Variants in FHAD1 observed in about 807,000 individuals in gnomAD.
The protein encoded by FHAD1 is forkhead-associated domain-containing protein 1.
Under a neutral mutation model 191.3 loss-of-function variants are expected in FHAD1, and 146 were observed. That is an observed-to-expected ratio of 0.76 (90% confidence interval 0.67 to 0.88). The LOEUF (loss-of-function observed/expected upper bound fraction) is 0.88. Ranked by LOEUF, FHAD1 falls within the 40% of genes least tolerant of loss-of-function variation. The pLI, the probability that FHAD1 is intolerant of heterozygous loss-of-function variation, is 0.00. For synonymous variants in FHAD1, 616 were observed against 672.3 expected (o/e 0.92, Z 1.29); for missense variants, 1,635 against 1,785.8 (o/e 0.92, Z 1.52).
At chr1:15,239,824 A>G (rs191546383) in intron 1 of FHAD1, among the ~76,000 whole-genome samples, 1 of 152,332 alleles carries the variant, frequency 6.6e-6, no homozygotes, top group East Asian at 1.9e-4. Flanking sequence ...GTATTCATGC[A>G]CTGCTGGGGG....
chr1:15,348,914 G>A (rs1229350327), intron 18 of FHAD1, 128 bp from the exon 19 acceptor site: 27 of 653,982 alleles, frequency 4.1e-5, no homozygotes, highest in Non-Finnish European at 7.1e-5. Context: ...GGGCCCAGGT[G>A]TATTTAATAG....
chr1:15,342,816 C>T (rs1558168043), intron 16 of FHAD1, among the ~76,000 whole-genome samples: 1 of 151,668 alleles, frequency 6.6e-6, no homozygotes, highest in Non-Finnish European at 1.5e-5. Context: ...TATGGCACTA[C>T]ACCCAGCTAA....
At chr1:15,363,210 G>A (rs1455168306) in intron 23 of FHAD1, among the ~76,000 whole-genome samples, 1 of 152,192 alleles carries the variant, frequency 6.6e-6, no homozygotes, top group African/African-American at 2.4e-5. Context: ...TCCAGGGGCT[G>A]AGCGTGCTAA....
upstream of FHAD1, among the ~76,000 whole-genome samples, chr1:15,242,391 TAAG>T (rs2100570894): frequency 6.6e-6 from 1 of 152,334 alleles, no homozygotes; most frequent in South Asian, 2.1e-4. Flanking sequence ...TGAGTTGGGC[TAAG>T]AACTAAATAA....
At chr1:15,274,493 T>C (rs1345188308) in intron 3 of FHAD1, among the ~76,000 whole-genome samples, 1 of 151,828 alleles carries the variant, frequency 6.6e-6, no homozygotes, top group Non-Finnish European at 1.5e-5. Context: ...GCGCCTGTAG[T>C]CCCAGCTACT....
intron 33 of FHAD1, among the ~76,000 whole-genome samples, chr1:15,396,270 G>A (rs916274396): frequency 2.6e-5 from 4 of 151,818 alleles, no homozygotes; most frequent in Non-Finnish European, 5.9e-5. Context: ...TGCAGTGAGC[G>A]GGGATTGCTC....
downstream of FHAD1, among the ~76,000 whole-genome samples, chr1:15,398,982 G>A (rs1021378321): frequency 2.0e-5 from 3 of 151,890 alleles, no homozygotes; most frequent in Admixed American, 2.0e-4. Flanking sequence ...CACCATACCC[G>A]GCTAATTTTT....
intron 2 of FHAD1, 73 bp downstream of exon 2, chr1:15,251,950 T>A (rs1646828032): frequency 2.4e-6 from 3 of 1,232,686 alleles, no homozygotes; most frequent in South Asian, 2.9e-5. Context: ...GTCCTTAGCG[T>A]TATGTGGACT....
chr1:15,288,027 C>T lies in FHAD1; in HGVS notation c.301-1372C>T, dbSNP rs1460475050. Among the ~76,000 whole-genome samples, 3 of 152,192 alleles carry T rather than the reference C, an allele frequency of 2.0e-5. No homozygotes were observed. The East Asian group carries it at 5.8e-4, about 29-fold the overall frequency. On this transcript the variant is annotated intron_variant, in intron 3 of 33. Coordinates refer to ENST00000688493, the MANE Select transcript of FHAD1 (RefSeq NM_001391957.1). Reference sequence around the variant, plus strand: ...AGCAAACCTTTGAATTTAGCTCTTACCTGGAAAGCATTATTTCTGCCAAGA... The same window carrying T: ...AGCAAACCTTTGAATTTAGCTCTTATCTGGAAAGCATTATTTCTGCCAAGA...
chr1:15,382,609 T>C (rs1265716191), intron 31 of FHAD1, among the ~76,000 whole-genome samples: 1 of 152,046 alleles, frequency 6.6e-6, no homozygotes, highest in African/African-American at 2.4e-5. Flanking sequence ...GATGGACAGA[T>C]GGAAGAATAG....
intron 32 of FHAD1, among the ~76,000 whole-genome samples, chr1:15,389,488 G>A (rs1248305491): frequency 7.6e-6 from 1 of 131,112 alleles, no homozygotes; most frequent in African/African-American, 3.2e-5. Context: ...AGAGAAAGGA[G>A]GGAAGAGAGG....
At chr1:15,278,770 A>G (rs1438461602) in intron 3 of FHAD1, among the ~76,000 whole-genome samples, 2 of 152,098 alleles carry the variant, frequency 1.3e-5, no homozygotes, top group Non-Finnish European at 2.9e-5. Context: ...TACCTCTTTA[A>G]AACAGAACTT....
At position 15,360,515 on chromosome 1, in the gene FHAD1, T is replaced by C; in HGVS notation, c.2774T>C (p.Met925Thr). The C allele has an allele frequency of 6.4e-7, 1 of 1,551,446 alleles. No homozygotes were observed. The highest frequency in any genetic ancestry group is 8.7e-7 in the Non-Finnish European group (1 of 1,146,870). The change falls in exon 22 of 34, where the codon ATG (methionine) becomes ACG (threonine). Residue 925 changes from methionine to threonine, a missense_variant. Met to Thr is a moderately conservative substitution (Grantham distance 81). Transcript: ENST00000688493. ...VEERLILQQK[M>T]VKALQDEQES... ...GAGCGGCTAATCCTGCAGCAGAAGA[T>C]GGTAAAGGCCCTCCAGGATGAGCAG...
intron 5 of FHAD1, among the ~76,000 whole-genome samples, chr1:15,298,701 TC>T (rs1667690897): frequency 6.6e-6 from 1 of 152,168 alleles, no homozygotes; most frequent in South Asian, 2.1e-4. Flanking sequence ...GAAAATAGAC[TC>T]CACTGCTTGA....
chr1:15,281,525 C>A (rs1255738589), intron 3 of FHAD1, among the ~76,000 whole-genome samples: 1 of 151,876 alleles, frequency 6.6e-6, no homozygotes, highest in Non-Finnish European at 1.5e-5. Context: ...TTTGGGAAGT[C>A]AAGGTGGGTG....
At position 15,367,621 on chromosome 1, in the gene FHAD1, AG is replaced by A. The variant is rs1696876631; in HGVS notation, c.3314+1del. On this transcript the variant is annotated frameshift_variant and splice_region_variant, in exon 25 of 34. Coordinates refer to ENST00000688493, the MANE Select transcript of FHAD1 (RefSeq NM_001391957.1). LOFTEE classifies it high-confidence loss of function. Reference protein sequence around the residue: ...RELKALEEALRASQEKHRLQL... With the variant: ...RELKALEEALXASQEKHRLQL... ...GCTGAAGGCCCTTGAGGAGGCACTC[AG>A]GTTGGGTGGGCGGGGGCCGGGTTGG... 2 of 472,766 alleles carry A rather than the reference AG, an allele frequency of 4.2e-6. No homozygotes were observed. Among genetic ancestry groups the A allele is most frequent in the African/African-American group, 5.7e-5 (2 of 34,838 alleles). 29.3% of individuals were successfully genotyped at this position (472,766 alleles called of 1,614,324 possible).
rs985686028 is a variant in FHAD1, at chr1:15,296,748, C to A, written c.633C>A (p.Pro211=). The A allele has an allele frequency of 4.5e-6, 7 of 1,551,792 alleles. No homozygotes were observed. In the East Asian group the frequency reaches 1.7e-4, roughly 38 times the overall value. ...SVAEGIPGAV[P]PAEIYVEEDL... ...CCGAGGGGATTCCTGGGGCAGTTCCCCCTGCGGAGATTTATGTGGAGGAGG... is the reference window on the plus strand; with the variant it reads ...CCGAGGGGATTCCTGGGGCAGTTCCACCTGCGGAGATTTATGTGGAGGAGG... The change falls in exon 5 of 34, where the codon CCC becomes CCA. Residue 211 remains proline, a synonymous_variant. Transcript: ENST00000688493.
In FHAD1 at chr1:15,308,741, G is replaced by GC. The variant is rs1558067298; in HGVS notation, c.1039+8dup. On this transcript the variant is annotated splice_donor_region_variant and intron_variant, in intron 7 of 33. Transcript: ENST00000688493. ...GAGACAACGCTATCACATCAGGTGA[G>GC]CCCTTGGAGTCGGGCCTGGGAGCTG... 29 of 1,551,536 alleles carry GC rather than the reference G, an allele frequency of 1.9e-5. No individual in the cohort carries two copies. Among genetic ancestry groups the GC allele is most frequent in the Admixed American group, 7.8e-5 (4 of 50,990 alleles).
At chr1:15,254,335 A>G (rs191125250) in intron 2 of FHAD1, among the ~76,000 whole-genome samples, 7 of 152,354 alleles carry the variant, frequency 4.6e-5, no homozygotes, top group African/African-American at 1.2e-4. Context: ...CTTCAAGCAA[A>G]CTACTTAATC....
Sources: gnomAD v4.1 joint callset for allele counts (sites outside exome capture counted in the v4.1 genomes callset) on GRCh38, gnomAD v4.1.1 for gene constraint, MANE v1.5 for transcripts, NCBI Gene and HGNC (gene_info 2026-07-23, HGNC 2026-07-21) for gene names.